The following RPS29 variants were observed in gnomAD, a reference collection of about 807,000 sequenced individuals.
The protein encoded by RPS29 is ribosomal protein S29.
For synonymous variants in RPS29, 37 were observed against 26.9 expected (o/e 1.37, Z -1.16); for missense variants, 60 against 75.7 (o/e 0.79, Z 0.77).
exon 3 of RPS29, chr14:49,576,503 A>C (rs1175995540): frequency 6.6e-6 from 1 of 152,118 alleles, no homozygotes; most frequent in Non-Finnish European, 1.5e-5. Context: ...CTACCTAAAA[A>C]CCCAAATCCC....
At position 49,586,211 on chromosome 14, in the gene RPS29, C is replaced by T. The variant is rs1001187452; in HGVS notation, c.62+74G>A. 1.7e-5 allele frequency: 25 copies of T among 1,512,508 alleles called. No homozygotes were observed. In the African/African-American group the frequency reaches 1.8e-4, roughly 11 times the overall value. The allele number at this position is 1,512,508 out of a possible 1,614,324, so 93.7% of individuals were successfully genotyped here. On this transcript the variant is annotated intron_variant, in intron 1 of 2. Coordinates refer to ENST00000245458, the MANE Select transcript of RPS29 (RefSeq NM_001032.5). The stretch of plus-strand genomic sequence containing the variant: ...CGTGCTCCCTCGTGCCGCCCGTGGC[C>T]TCCTCTACTTGAGATTTTAAGCAGC...
exon 1 of RPS29, chr14:49,598,676 G>A (rs1256044593): frequency 1.4e-6 from 1 of 700,382 alleles, no homozygotes; most frequent in Non-Finnish European, 2.6e-6. Context: ...GAAACCCTCG[G>A]AATCCTCCCC....
At chr14:49,583,567 T>A (rs1451041168), downstream of RPS29, 6 of 1,353,796 alleles carry the variant, frequency 4.4e-6, no homozygotes, top group African/African-American at 7.4e-5. Flanking sequence ...AGAACACTCA[T>A]AAACTGAAGG....
At chr14:49,571,871 C>A (rs1438864334) in exon 3 of RPS29, 1 of 152,150 alleles carries the variant, frequency 6.6e-6, no homozygotes, top group Non-Finnish European at 1.5e-5. Context: ...ACAGCATCTT[C>A]CTGAGTAATG....
upstream of RPS29, among the ~76,000 whole-genome samples, chr14:49,587,861 C>T (rs1881623872): frequency 1.3e-5 from 2 of 152,206 alleles, no homozygotes; most frequent in South Asian, 2.1e-4. Context: ...CTACAGGCAG[C>T]ACTTGACAGA....
At chr14:49,574,064 A>G (rs1309674861) in exon 3 of RPS29, 1 of 152,250 alleles carries the variant, frequency 6.6e-6, no homozygotes, top group Non-Finnish European at 1.5e-5. Flanking sequence ...TATTTAGGAA[A>G]TGAAACAAAA....
chr14:49,582,012 C>CAAAAAAAAAAAAAAA (rs58507206), downstream of RPS29, among the ~76,000 whole-genome samples: 26 of 106,500 alleles, frequency 2.4e-4, no homozygotes, highest in African/African-American at 9.5e-4. Flanking sequence ...CCCTGCCCCC[C>CAAAAAAAAAAAAAAA]AAAAAAAAAA....
At chr14:49,571,532 G>C (rs1881054809) in exon 3 of RPS29, 1 of 152,194 alleles carries the variant, frequency 6.6e-6, no homozygotes, top group Admixed American at 6.5e-5. Context: ...CCAGTTACCA[G>C]CGAGAACAAC....
chr14:49,591,665 G>A (rs1222268320), intron 1 of RPS29, among the ~76,000 whole-genome samples: 1 of 136,676 alleles, frequency 7.3e-6, no homozygotes, highest in African/African-American at 2.8e-5. Flanking sequence ...CTGTCAGCCA[G>A]GATGGAGTGC....
chr14:49,597,220 AT>A (rs1206850633), intron 1 of RPS29, among the ~76,000 whole-genome samples: 2 of 150,576 alleles, frequency 1.3e-5, no homozygotes, highest in South Asian at 4.2e-4. Flanking sequence ...GGCCTAGTTA[AT>A]TTTTTAATTT....
upstream of RPS29, chr14:49,586,555 T>C (rs567250982): frequency 1.7e-6 from 1 of 585,990 alleles, no homozygotes; most frequent in Non-Finnish European, 3.1e-6. Flanking sequence ...CAGCTTCTAG[T>C]GCTATTCTGC....
At chr14:49,572,084 G>T (rs1364810283) in exon 3 of RPS29, 1 of 152,212 alleles carries the variant, frequency 6.6e-6, no homozygotes. Flanking sequence ...CCAAGTAGCT[G>T]GGATTACAGG....
intron 2 of RPS29, among the ~76,000 whole-genome samples, chr14:49,578,007 A>G (rs1881233150): frequency 2.6e-5 from 4 of 152,184 alleles, no homozygotes; most frequent in Admixed American, 2.0e-4. Flanking sequence ...ACCAAAGATC[A>G]CTCTAAATCA....
chr14:49,587,342 G>A (rs1881611616), upstream of RPS29, among the ~76,000 whole-genome samples: 1 of 152,174 alleles, frequency 6.6e-6, no homozygotes, highest in African/African-American at 2.4e-5. Context: ...GTCAATAAAC[G>A]AATTTCTGCT....
chr14:49,579,106 TAGG>T (rs975645243), downstream of RPS29, among the ~76,000 whole-genome samples: 21 of 152,140 alleles, frequency 1.4e-4, 1 homozygote, highest in Admixed American at 1.2e-3. Flanking sequence ...CTGTGGGTTG[TAGG>T]AGGTGGGGCA....
chr14:49,592,189 T>G (rs1284644953), intron 1 of RPS29: 1 of 152,162 alleles, frequency 6.6e-6, no homozygotes, highest in East Asian at 1.9e-4. Context: ...TTAAATTTGT[T>G]TATGGTATAT....
downstream of RPS29, among the ~76,000 whole-genome samples, chr14:49,582,764 G>A (rs1007601607): frequency 5.3e-5 from 8 of 152,098 alleles, no homozygotes; most frequent in African/African-American, 1.4e-4. Context: ...AGATGACAAC[G>A]TGTCAAATCC....
At chr14:49,583,494 G>A (rs868509273), downstream of RPS29, 91 of 613,548 alleles carry the variant, frequency 1.5e-4, no homozygotes, top group African/African-American at 1.5e-3. Context: ...GACAGAGGGG[G>A]ACTCAGTCTC....
rs75278017 is a variant in RPS29, at chr14:49,584,305, G to A, written c.163-630C>T. Among the ~76,000 whole-genome samples the A allele has an allele frequency of 1.1e-3, 167 of 152,322 alleles. 2 individuals are homozygous for A. The East Asian group carries it at 0.018, about 17-fold the overall frequency. Reference sequence around the variant, plus strand: ...TTCATCTAGGACACAGAGCTAGGGCGTGGGCCAAGGTCCATTTTCTTACGT... The same window carrying A: ...TTCATCTAGGACACAGAGCTAGGGCATGGGCCAAGGTCCATTTTCTTACGT... On this transcript the variant is annotated intron_variant, in intron 2 of 2. Coordinates refer to ENST00000245458, the MANE Select transcript of RPS29 (RefSeq NM_001032.5).
Sources: gnomAD v4.1 joint callset for allele counts (sites outside exome capture counted in the v4.1 genomes callset) on GRCh38, gnomAD v4.1.1 for gene constraint, MANE v1.5 for transcripts, NCBI Gene and HGNC (gene_info 2026-07-23, HGNC 2026-07-21) for gene names.